THSD4: variants seen among roughly 807,000 people sequenced by gnomAD.
The protein encoded by THSD4 is thrombospondin type-1 domain-containing protein 4.
A neutral mutation model predicts 119.0 loss-of-function variants in THSD4; 69 were observed. The ratio of observed to expected loss-of-function variants is 0.58; its 90% CI spans 0.48 to 0.71. The LOEUF is 0.71. THSD4 is among the 30% of genes least tolerant of loss of function. The probability of loss-of-function intolerance (pLI) is 0.00; values close to 1 mark genes in which losing one functional copy is unlikely to be tolerated. For synonymous variants in THSD4, 524 were observed against 540.4 expected, an observed-to-expected ratio of 0.97 and a Z score of 0.42; for missense variants, 1,393 against 1,391.1, an observed-to-expected ratio of 1.00 and a Z score of -0.02.
At chr15:71,760,642 G>A (rs2053613746) in intron 15 of THSD4, among the ~76,000 whole-genome samples, 1 of 152,092 alleles carries the variant, frequency 6.6e-6, no homozygotes, top group Non-Finnish European at 1.5e-5. Flanking sequence ...TAGTCTTCAG[G>A]AGCAGCCATT....
chr15:71,725,393 A>G (rs2052813488), intron 8 of THSD4, among the ~76,000 whole-genome samples: 2 of 152,236 alleles, frequency 1.3e-5, no homozygotes, highest in South Asian at 4.1e-4. Flanking sequence ...AGTCATTCAC[A>G]TATGGTAGTT....
At chr15:71,717,766 A>T (rs1249225252) in intron 8 of THSD4, among the ~76,000 whole-genome samples, 1 of 152,154 alleles carries the variant, frequency 6.6e-6, no homozygotes, top group Non-Finnish European at 1.5e-5. Flanking sequence ...CCCCACCACC[A>T]TGAGAGGGGG....
At chr15:71,426,116 C>A (rs1328987721) in intron 7 of THSD4, among the ~76,000 whole-genome samples, 1 of 152,234 alleles carries the variant, frequency 6.6e-6, no homozygotes, top group African/African-American at 2.4e-5. Context: ...TCTGGTCAGT[C>A]ATCGCCCCAC....
At chr15:71,515,957 A>C (rs28696083) in intron 7 of THSD4, among the ~76,000 whole-genome samples, 3 of 152,158 alleles carry the variant, frequency 2.0e-5, no homozygotes, top group Non-Finnish European at 4.4e-5. Context: ...CACATGCTCT[A>C]TGTTAATACC....
chr15:71,743,736 C>A (rs939819898), intron 11 of THSD4, among the ~76,000 whole-genome samples: 1 of 152,212 alleles, frequency 6.6e-6, no homozygotes, highest in Non-Finnish European at 1.5e-5. Flanking sequence ...TCAACACTGT[C>A]TTGCAAACTG....
chr15:71,219,811 A>G (rs2043960798), intron 4 of THSD4, among the ~76,000 whole-genome samples: 1 of 152,206 alleles, frequency 6.6e-6, no homozygotes, highest in Admixed American at 6.5e-5. Context: ...CAAGATTACC[A>G]CTTGAGAAGC....
chr15:71,617,293 A>T (rs1376614337), intron 7 of THSD4, among the ~76,000 whole-genome samples: 1 of 152,234 alleles, frequency 6.6e-6, no homozygotes, highest in East Asian at 1.9e-4. Context: ...ATTAAACTAA[A>T]ATGATTTTTT....
chr15:71,299,842 T>G (rs2044919036), intron 6 of THSD4, among the ~76,000 whole-genome samples: 2 of 151,742 alleles, frequency 1.3e-5, no homozygotes, highest in African/African-American at 4.8e-5. Context: ...AAAATAACAT[T>G]GGGCTGGACG....
intron 7 of THSD4, among the ~76,000 whole-genome samples, chr15:71,442,777 T>C: frequency 6.8e-6 from 1 of 146,328 alleles, no homozygotes; most frequent in Non-Finnish European, 1.5e-5. Context: ...GCTTCCTCTT[T>C]GCTTTGGTAT....
intron 6 of THSD4, among the ~76,000 whole-genome samples, chr15:71,348,944 T>C (rs1190322179): frequency 6.6e-6 from 1 of 152,344 alleles, no homozygotes; most frequent in Non-Finnish European, 1.5e-5. Context: ...AAATCTACTC[T>C]CCTTTGAAGT....
At chr15:71,671,674 A>G (rs1386146412) in intron 8 of THSD4, among the ~76,000 whole-genome samples, 1 of 152,230 alleles carries the variant, frequency 6.6e-6, no homozygotes, top group African/African-American at 2.4e-5. Flanking sequence ...GGTGTAAGGA[A>G]GGGATCCAGT....
chr15:71,246,210 A>G (rs553866842), intron 5 of THSD4, among the ~76,000 whole-genome samples: 1 of 152,282 alleles, frequency 6.6e-6, no homozygotes, highest in East Asian at 1.9e-4. Flanking sequence ...AAGATGGAGT[A>G]TAGAAGAGCT....
intron 3 of THSD4, among the ~76,000 whole-genome samples, chr15:71,203,423 G>A (rs781360783): frequency 6.6e-6 from 1 of 152,188 alleles, no homozygotes; most frequent in Non-Finnish European, 1.5e-5. Flanking sequence ...GGGAGGCCAA[G>A]GTGGGCAGAT....
intron 3 of THSD4, among the ~76,000 whole-genome samples, chr15:71,203,913 A>C (rs899136760): frequency 6.6e-6 from 1 of 152,208 alleles, no homozygotes; most frequent in African/African-American, 2.4e-5. Context: ...ATTGACCCAG[A>C]TGCAGACAGC....
intron 7 of THSD4, among the ~76,000 whole-genome samples, chr15:71,490,559 CAAA>C (rs11408465): frequency 0.096 from 8,717 of 90,672 alleles, 323 homozygotes; most frequent in South Asian, 0.15. Flanking sequence ...GACTCCGTCT[CAAA>C]AAAAAAAAAA....
At chr15:71,472,774 C>T (rs2047599621) in intron 7 of THSD4, among the ~76,000 whole-genome samples, 1 of 152,160 alleles carries the variant, frequency 6.6e-6, no homozygotes, top group Admixed American at 6.5e-5. Flanking sequence ...GTGTTATTCT[C>T]ATAAAGCACA....
At chr15:71,517,361 T>C (rs574044381) in intron 7 of THSD4, among the ~76,000 whole-genome samples, 1 of 152,326 alleles carries the variant, frequency 6.6e-6, no homozygotes, top group Admixed American at 6.5e-5. Flanking sequence ...GTTTTCGCTT[T>C]CATGCTTCTT....
At chr15:71,240,057 T>C (rs183456048) in intron 4 of THSD4, among the ~76,000 whole-genome samples, 10 of 152,356 alleles carry the variant, frequency 6.6e-5, no homozygotes, top group Admixed American at 5.2e-4. Context: ...TGCTCTGTCA[T>C]TGGGTTTTGA....
intron 8 of THSD4, among the ~76,000 whole-genome samples, chr15:71,727,624 G>T (rs1178770534): frequency 7.8e-6 from 1 of 128,136 alleles, no homozygotes; most frequent in Non-Finnish European, 1.6e-5. Context: ...ACACACACAA[G>T]CCAGGCATGG....
Sources: gnomAD v4.1 joint callset for allele counts (sites outside exome capture counted in the v4.1 genomes callset) on GRCh38, gnomAD v4.1.1 for gene constraint, MANE v1.5 for transcripts, NCBI Gene and HGNC (gene_info 2026-07-23, HGNC 2026-07-21) for gene names.